Variants in PARP1 observed in about 807,000 individuals in gnomAD.
PARP1 encodes poly(ADP-ribose) polymerase 1.
Under a neutral mutation model 118.7 loss-of-function variants are expected in PARP1, and 44 were observed. The ratio of observed to expected loss-of-function variants is 0.37; its 90% CI spans 0.29 to 0.48. The LOEUF is 0.48. Ranked by LOEUF, PARP1 falls within the 20% of genes least tolerant of loss-of-function variation. PARP1 has a pLI of 0.99. For missense variants in PARP1, 1,100 were observed against 1,272.4 expected (o/e 0.86, Z 2.06); for synonymous variants, 492 against 483.2 (o/e 1.02, Z -0.24).
chr1:226,373,491 G>C (rs991531721), intron 14 of PARP1, among the ~76,000 whole-genome samples: 3 of 152,152 alleles, frequency 2.0e-5, no homozygotes, highest in Non-Finnish European at 4.4e-5. Flanking sequence ...GGAGCAGCAA[G>C]AACAAGGGGG....
chr1:226,398,360 G>C (rs983139304), intron 2 of PARP1, among the ~76,000 whole-genome samples: 1 of 152,090 alleles, frequency 6.6e-6, no homozygotes, highest in African/African-American at 2.4e-5. Context: ...GGGCAACAAG[G>C]TGGGGCCCTG....
At chr1:226,392,709 A>G (rs557403168) in intron 2 of PARP1, 1 of 547,982 alleles carries the variant, frequency 1.8e-6, no homozygotes. Context: ...TATTTACCAA[A>G]GTGTTGAATT....
At chr1:226,390,299 C>T (rs1664797237) in intron 4 of PARP1, 111 bp downstream of exon 4, 3 of 948,886 alleles carry the variant, frequency 3.2e-6, no homozygotes, top group Middle Eastern at 3.2e-4. Flanking sequence ...CCCTGGCTTA[C>T]TGACAGTCAG....
At chr1:226,371,494 A>G (rs1664381631) in intron 14 of PARP1, among the ~76,000 whole-genome samples, 1 of 152,230 alleles carries the variant, frequency 6.6e-6, no homozygotes, top group South Asian at 2.1e-4. Context: ...ACAGCTTCTA[A>G]TAACATCCAC....
At chr1:226,373,786 G>T (rs1390431235) in intron 14 of PARP1, among the ~76,000 whole-genome samples, 3 of 152,206 alleles carry the variant, frequency 2.0e-5, no homozygotes, top group South Asian at 4.1e-4. Context: ...AAGGAAGCAT[G>T]GCTAATACAC....
chr1:226,407,376 A>AAC (rs1665169245), intron 1 of PARP1, among the ~76,000 whole-genome samples: 1 of 138,178 alleles, frequency 7.2e-6, no homozygotes, highest in African/African-American at 2.7e-5. Flanking sequence ...AGGTTTAACA[A>AAC]AAAAAAAAAA....
At chr1:226,368,861 G>A (rs1007860408) in intron 15 of PARP1, among the ~76,000 whole-genome samples, 1 of 152,206 alleles carries the variant, frequency 6.6e-6, no homozygotes, top group East Asian at 1.9e-4. Context: ...GTGTCACTTG[G>A]TGCTCTATAT....
At chr1:226,377,052 T>C in intron 13 of PARP1, 56 bp downstream of exon 13, 3 of 1,450,498 alleles carry the variant, frequency 2.1e-6, no homozygotes, top group Non-Finnish European at 2.9e-6. Flanking sequence ...TTTTCTAGAA[T>C]AAGGTGTCCC....
At chr1:226,385,922 T>C (rs562428626) in intron 6 of PARP1, among the ~76,000 whole-genome samples, 4 of 152,204 alleles carry the variant, frequency 2.6e-5, no homozygotes, top group South Asian at 2.1e-4. Context: ...CTCAGTGATT[T>C]AGAAATGAAG....
Position 226,363,945 on chromosome 1 carries a change from G to A in PARP1, c.2784C>T (p.Asn928=), listed in dbSNP as rs2102726151. 1.2e-6 allele frequency: 2 copies of A among 1,613,840 alleles called. No individual in the cohort carries two copies. The highest frequency in any genetic ancestry group is 1.7e-6 in the Non-Finnish European group (2 of 1,179,930). ...GTCCCAGAGCCAGGTTTACTCACAT[G>A]TTTCCAAGGGCAACTTCTCCCAACA... ...LILLGEVALG[N]MYELKHASHI... The change falls in exon 20 of 23, where the codon AAC becomes AAT. Residue 928 remains asparagine (N), a splice_region_variant and synonymous_variant. Coordinates refer to ENST00000366794, the MANE Select transcript of PARP1 (RefSeq NM_001618.4).
Position 226,402,198 on chromosome 1 carries a change from C to T in PARP1, c.286+16G>A, listed in dbSNP as rs1665050066. The stretch of plus-strand genomic sequence containing the variant: ...GGTGGGGGCTGAATGCCCATGCTGC[C>T]CCAGTATGTACACACCTGTCACTCC... On this transcript the variant is annotated intron_variant, in intron 2 of 22. Transcript: ENST00000366794. 6.2e-7 allele frequency: 1 copy of T among 1,614,196 alleles called. No individual in the cohort carries two copies. The highest frequency in any genetic ancestry group is 8.5e-7 in the Non-Finnish European group (1 of 1,180,034).
chr1:226,383,103 G>A lies in PARP1; in HGVS notation c.1092C>T (p.Ser364=), dbSNP rs761844848. The change falls in exon 8 of 23, where the codon TCC becomes TCT. Residue 364 remains serine, a synonymous_variant. Transcript: ENST00000366794. ...TGGAGGGCGGAGGCGTGGCCGCCAC[G>A]GAGGCGCTGGTTTCTGGGGGGAATA... The part of the protein sequence containing the change: ...DRIFPPETSA[S]VAATPPPSTA... 17 of 1,613,026 alleles carry A rather than the reference G, an allele frequency of 1.1e-5. No individual in the cohort carries two copies. The highest frequency in any genetic ancestry group is 6.7e-5 in the East Asian group (3 of 44,878).
At chr1:226,364,120 G>A (rs777052558) in intron 19 of PARP1, 50 bp from the exon 20 acceptor site, 2 of 1,605,146 alleles carry the variant, frequency 1.2e-6, no homozygotes, top group South Asian at 1.1e-5. Flanking sequence ...GGGAAATTAG[G>A]AGCAGCTGTT....
At chr1:226,406,374 A>T (rs1356478930) in intron 1 of PARP1, among the ~76,000 whole-genome samples, 1 of 152,254 alleles carries the variant, frequency 6.6e-6, no homozygotes, top group Admixed American at 6.5e-5. Flanking sequence ...ACTTCATAAC[A>T]GGCTGCCTTG....
chr1:226,385,413 G>A, intron 7 of PARP1, 91 bp downstream of exon 7: 1 of 1,067,458 alleles, frequency 9.4e-7, no homozygotes, highest in Non-Finnish European at 1.4e-6. Flanking sequence ...ACATGGCCCT[G>A]CAATCTCAGG....
At chr1:226,401,550 T>C (rs966339669) in intron 2 of PARP1, among the ~76,000 whole-genome samples, 1 of 152,194 alleles carries the variant, frequency 6.6e-6, no homozygotes, top group African/African-American at 2.4e-5. Flanking sequence ...TAAACTGATA[T>C]GGCACACTGG....
chr1:226,389,839 G>A (rs1664789189), intron 4 of PARP1, among the ~76,000 whole-genome samples: 2 of 152,178 alleles, frequency 1.3e-5, no homozygotes. Flanking sequence ...TCTCCAGACT[G>A]AGGCTGAGGG....
chr1:226,397,961 G>GAAAAAAAAAAAAA (rs1333776940), intron 2 of PARP1, among the ~76,000 whole-genome samples: 2 of 122,006 alleles, frequency 1.6e-5, no homozygotes, highest in African/African-American at 3.0e-5. Context: ...ATCCACATGC[G>GAAAAAAAAAAAAA]AAAAAAAAAA....
chr1:226,382,778 A>G (rs1254030732), intron 8 of PARP1, among the ~76,000 whole-genome samples: 2 of 152,140 alleles, frequency 1.3e-5, no homozygotes, highest in Non-Finnish European at 2.9e-5. Flanking sequence ...TCAGCTTCCT[A>G]AAGTGCTGGG....
Sources: gnomAD v4.1 joint callset for allele counts (sites outside exome capture counted in the v4.1 genomes callset) on GRCh38, gnomAD v4.1.1 for gene constraint, MANE v1.5 for transcripts, NCBI Gene and HGNC (gene_info 2026-07-23, HGNC 2026-07-21) for gene names.